The following INPP5A variants were observed in gnomAD, a reference collection of about 807,000 sequenced individuals.
INPP5A encodes the protein inositol polyphosphate-5-phosphatase A, also known as 43 kDa inositol polyphosphate 5-phophatase.
Under a neutral mutation model 65.2 loss-of-function variants are expected in INPP5A, and 14 were observed. That is an observed-to-expected ratio of 0.21 (90% CI 0.14 to 0.34). INPP5A has a LOEUF of 0.34. INPP5A is among the 10% of genes least tolerant of loss of function. INPP5A has a pLI of 1.00. For missense variants in INPP5A, 431 were observed against 545.6 expected, an observed-to-expected ratio of 0.79 and a Z score of 2.09; for synonymous variants, 207 against 208.3, an observed-to-expected ratio of 0.99 and a Z score of 0.05.
chr10:132,725,613 C>G (rs1328977080), intron 8 of INPP5A, among the ~76,000 whole-genome samples: 1 of 152,244 alleles, frequency 6.6e-6, no homozygotes, highest in Non-Finnish European at 1.5e-5. Context: ...CCGTGCCCCT[C>G]ATGCCCCTGT....
intron 2 of INPP5A, among the ~76,000 whole-genome samples, chr10:132,638,477 A>G (rs780626237): frequency 5.9e-5 from 9 of 152,252 alleles, no homozygotes; most frequent in Non-Finnish European, 1.2e-4. Flanking sequence ...CAGCGGGGGC[A>G]GTCCCGGAGC....
chr10:132,660,537 G>T (rs536924022), intron 4 of INPP5A, among the ~76,000 whole-genome samples: 1 of 152,338 alleles, frequency 6.6e-6, no homozygotes, highest in Non-Finnish European at 1.5e-5. Flanking sequence ...CAAGAAGGTG[G>T]TGTGCCAGTT....
chr10:132,765,122 TGGTC>T (rs1277285654), intron 11 of INPP5A, among the ~76,000 whole-genome samples: 1 of 97,120 alleles, frequency 1.0e-5, no homozygotes, highest in Non-Finnish European at 2.1e-5. Flanking sequence ...CTCAGGAACA[TGGTC>T]GGGCCAGTCC....
intron 2 of INPP5A, among the ~76,000 whole-genome samples, chr10:132,630,483 A>G (rs1179865246): frequency 6.6e-6 from 1 of 151,996 alleles, no homozygotes; most frequent in Non-Finnish European, 1.5e-5. Flanking sequence ...AAAGGCATAC[A>G]TGAAGAGAGG....
At chr10:132,636,958 G>A (rs1010346942) in intron 2 of INPP5A, among the ~76,000 whole-genome samples, 10 of 151,818 alleles carry the variant, frequency 6.6e-5, no homozygotes, top group African/African-American at 1.7e-4. Flanking sequence ...TCGCTCTGTC[G>A]CCAGGCTGGA....
chr10:132,542,073 G>A (rs1014596262), intron 1 of INPP5A, among the ~76,000 whole-genome samples: 3 of 152,270 alleles, frequency 2.0e-5, no homozygotes, highest in Admixed American at 6.5e-5. Context: ...GGGAATTGAG[G>A]AGGTGAATTC....
chr10:132,742,532 T>C (rs1430488168), intron 9 of INPP5A, among the ~76,000 whole-genome samples: 2 of 152,170 alleles, frequency 1.3e-5, no homozygotes, highest in Non-Finnish European at 2.9e-5. Flanking sequence ...GGCGGTTGTA[T>C]CTAGTCCGGC....
intron 8 of INPP5A, among the ~76,000 whole-genome samples, chr10:132,721,304 C>G (rs1049060296): frequency 2.0e-5 from 3 of 150,302 alleles, no homozygotes; most frequent in African/African-American, 7.4e-5. Context: ...TGGGTTCTGT[C>G]TGGGCGCCTT....
At chr10:132,682,350 G>A (rs1319024990) in intron 4 of INPP5A, among the ~76,000 whole-genome samples, 2 of 151,030 alleles carry the variant, frequency 1.3e-5, no homozygotes, top group South Asian at 2.1e-4. Context: ...CGCGGACTGC[G>A]TGCCACTGAC....
At chr10:132,615,834 G>A (rs925609545) in intron 2 of INPP5A, among the ~76,000 whole-genome samples, 1 of 152,152 alleles carries the variant, frequency 6.6e-6, no homozygotes, top group African/African-American at 2.4e-5. Context: ...TGGAGACTGA[G>A]GGGCTGGGAG....
At chr10:132,621,205 A>G (rs1307314504) in intron 2 of INPP5A, among the ~76,000 whole-genome samples, 1 of 152,242 alleles carries the variant, frequency 6.6e-6, no homozygotes, top group East Asian at 1.9e-4. Flanking sequence ...ATTTACCTGA[A>G]GACTGGGAAC....
At chr10:132,632,569 G>A (rs529362182) in intron 2 of INPP5A, among the ~76,000 whole-genome samples, 32 of 152,270 alleles carry the variant, frequency 2.1e-4, no homozygotes, top group African/African-American at 7.7e-4. Context: ...GCCCGTGCCC[G>A]GTGTGCTTCC....
At chr10:132,752,683 GT>G in intron 11 of INPP5A, among the ~76,000 whole-genome samples, 1 of 139,972 alleles carries the variant, frequency 7.1e-6, no homozygotes, top group Non-Finnish European at 1.6e-5. Context: ...CGTGGAGGGG[GT>G]GCGGCATGGA....
At chr10:132,733,322 A>G (rs1454814400) in intron 9 of INPP5A, among the ~76,000 whole-genome samples, 1 of 152,210 alleles carries the variant, frequency 6.6e-6, no homozygotes, top group African/African-American at 2.4e-5. Context: ...GCAGCGCCGG[A>G]GTGACTGTCT....
chr10:132,572,573 G>A (rs182638540), intron 1 of INPP5A, among the ~76,000 whole-genome samples: 2 of 152,278 alleles, frequency 1.3e-5, no homozygotes, highest in Admixed American at 1.3e-4. Flanking sequence ...CAGGGCTCTT[G>A]GTGGGGATGT....
At chr10:132,711,659 C>T (rs1343307981) in intron 8 of INPP5A, among the ~76,000 whole-genome samples, 1 of 152,270 alleles carries the variant, frequency 6.6e-6, no homozygotes, top group African/African-American at 2.4e-5. Context: ...GCGCCTCGCC[C>T]ACCTTCCAGC....
chr10:132,712,797 GATGCATGT>G (rs1416289600), intron 8 of INPP5A, among the ~76,000 whole-genome samples: 4 of 150,106 alleles, frequency 2.7e-5, no homozygotes, highest in Admixed American at 6.6e-5. Context: ...GGGGTGCACT[GATGCATGT>G]GTGCATGTGT....
intron 5 of INPP5A, among the ~76,000 whole-genome samples, chr10:132,695,871 A>G (rs548668451): frequency 3.3e-4 from 51 of 152,242 alleles, no homozygotes; most frequent in Non-Finnish European, 6.5e-4. Flanking sequence ...GAGAGATTTC[A>G]TCTTCATGGA....
intron 2 of INPP5A, among the ~76,000 whole-genome samples, chr10:132,610,574 C>T (rs1321984398): frequency 1.3e-5 from 2 of 152,340 alleles, no homozygotes; most frequent in East Asian, 3.9e-4. Context: ...CCAGCCAGCT[C>T]GCTGCAGGGC....
Sources: allele counts gnomAD v4.1 joint callset (sites outside exome capture counted in the v4.1 genomes callset), GRCh38; gene constraint gnomAD v4.1.1; transcripts MANE v1.5; gene names NCBI Gene and HGNC (gene_info 2026-07-23, HGNC 2026-07-21).